The following GRAMD2B variants were observed in gnomAD, a reference collection of about 807,000 sequenced individuals.
GRAMD2B encodes GRAM domain-containing protein 2B.
In GRAMD2B, 41 loss-of-function variants were observed where a neutral mutation model predicts 59.2. The observed-to-expected ratio is 0.69, with a 90% CI of 0.54 to 0.90. The LOEUF is 0.90. Among genes scored for constraint, GRAMD2B ranks in the 40% least tolerant of loss-of-function variants. The probability of loss-of-function intolerance (pLI) is 0.00; values close to 1 mark genes in which losing one functional copy is unlikely to be tolerated. For missense variants in GRAMD2B, 424 were observed against 500.5 expected (o/e 0.85, Z 1.46); for synonymous variants, 161 against 182.7 (o/e 0.88, Z 0.96).
intron 1 of GRAMD2B, among the ~76,000 whole-genome samples, chr5:126,443,907 C>G (rs1414277285): frequency 2.0e-5 from 3 of 152,100 alleles, no homozygotes; most frequent in African/African-American, 7.2e-5. Context: ...CAAAAATTAG[C>G]TGGACGTGGT....
chr5:126,404,670 G>A (rs188619346), intron 1 of GRAMD2B, among the ~76,000 whole-genome samples: 22 of 151,818 alleles, frequency 1.4e-4, no homozygotes, highest in African/African-American at 4.8e-4. Context: ...GTCATTAACT[G>A]GGAAAACCAA....
At chr5:126,490,451 C>G (rs1448331712) in intron 13 of GRAMD2B, 2 of 152,278 alleles carry the variant, frequency 1.3e-5, no homozygotes, top group African/African-American at 4.8e-5. Flanking sequence ...AGGGTTCAGA[C>G]AGCTTAGCAG....
At chr5:126,481,240 AAAG>A (rs1377297115) in intron 8 of GRAMD2B, among the ~76,000 whole-genome samples, 1 of 131,280 alleles carries the variant, frequency 7.6e-6, no homozygotes, top group Non-Finnish European at 1.7e-5. Flanking sequence ...AGAAAGAAAG[AAAG>A]AAAGAAAAGA....
chr5:126,434,193 T>C (rs1762032437), intron 1 of GRAMD2B, among the ~76,000 whole-genome samples: 1 of 152,192 alleles, frequency 6.6e-6, no homozygotes, highest in African/African-American at 2.4e-5. Context: ...ATTATGAAAA[T>C]AGTAAAATTT....
chr5:126,417,582 T>C (rs1759367458), intron 1 of GRAMD2B, among the ~76,000 whole-genome samples: 1 of 152,242 alleles, frequency 6.6e-6, no homozygotes, highest in Admixed American at 6.5e-5. Context: ...ACCATTCAGC[T>C]GAGCCCAGTC....
At chr5:126,453,086 C>T (rs1255135251) in intron 1 of GRAMD2B, among the ~76,000 whole-genome samples, 3 of 152,006 alleles carry the variant, frequency 2.0e-5, no homozygotes, top group African/African-American at 4.8e-5. Flanking sequence ...CAAAAAGGAA[C>T]GAAGATATGA....
intron 1 of GRAMD2B, among the ~76,000 whole-genome samples, chr5:126,408,298 G>A (rs1758437519): frequency 6.6e-6 from 1 of 152,054 alleles, no homozygotes; most frequent in Non-Finnish European, 1.5e-5. Flanking sequence ...TTTTATGGCT[G>A]CATAGTATTC....
At chr5:126,381,141 G>A (rs762914821) in intron 1 of GRAMD2B, among the ~76,000 whole-genome samples, 1 of 152,130 alleles carries the variant, frequency 6.6e-6, no homozygotes, top group African/African-American at 2.4e-5. Flanking sequence ...TGCTTTTTCT[G>A]CATCTATGGA....
chr5:126,430,342 G>A (rs576332330), intron 1 of GRAMD2B, among the ~76,000 whole-genome samples: 1 of 152,276 alleles, frequency 6.6e-6, no homozygotes, highest in Non-Finnish European at 1.5e-5. Context: ...GTCCCAAGAT[G>A]CATAGTATTT....
intron 1 of GRAMD2B, among the ~76,000 whole-genome samples, chr5:126,411,177 A>G (rs963738192): frequency 6.6e-6 from 1 of 151,982 alleles, no homozygotes; most frequent in African/African-American, 2.4e-5. Context: ...ATTATTTCCC[A>G]AGGCCAATGT....
chr5:126,479,036 A>G (rs1052662748), intron 6 of GRAMD2B, among the ~76,000 whole-genome samples: 13 of 152,246 alleles, frequency 8.5e-5, no homozygotes, highest in Admixed American at 6.5e-5. Flanking sequence ...AGACATGCAC[A>G]ATCAGAAAAA....
At chr5:126,433,582 C>A (rs1272179289) in intron 1 of GRAMD2B, 2 of 152,222 alleles carry the variant, frequency 1.3e-5, no homozygotes, top group Non-Finnish European at 2.9e-5. Flanking sequence ...AGCACTTGTG[C>A]TTTCTCTGTA....
intron 1 of GRAMD2B, among the ~76,000 whole-genome samples, chr5:126,391,337 A>AAAAAAAAAAAAAAAAAAAAC: frequency 1.4e-5 from 2 of 140,388 alleles, no homozygotes; most frequent in Non-Finnish European, 3.1e-5. Flanking sequence ...AAAAAAAAAA[A>AAAAAAAAAAAAAAAAAAAAC]AAACTTGTAC....
intron 1 of GRAMD2B, among the ~76,000 whole-genome samples, chr5:126,373,619 C>CA (rs972102076): frequency 2.0e-5 from 3 of 151,758 alleles, no homozygotes; most frequent in South Asian, 2.1e-4. Flanking sequence ...TAAGACAGGC[C>CA]AAAAAAATGA....
intron 1 of GRAMD2B, among the ~76,000 whole-genome samples, chr5:126,415,755 A>C (rs1437136345): frequency 6.6e-6 from 1 of 152,194 alleles, no homozygotes; most frequent in Non-Finnish European, 1.5e-5. Context: ...AAAATGAATA[A>C]TGCTACATAG....
At chr5:126,452,446 A>G (rs142375247) in intron 1 of GRAMD2B, among the ~76,000 whole-genome samples, 1,637 of 152,252 alleles carry the variant, frequency 0.011, 39 homozygotes, top group African/African-American at 0.038. Flanking sequence ...TTTCCCTGAC[A>G]TTACTCTCTT....
At chr5:126,363,387 G>T (rs941386210) in intron 1 of GRAMD2B, among the ~76,000 whole-genome samples, 1 of 152,104 alleles carries the variant, frequency 6.6e-6, no homozygotes, top group African/African-American at 2.4e-5. Context: ...AAAATGTTAC[G>T]ACCATTTTGG....
intron 3 of GRAMD2B, among the ~76,000 whole-genome samples, chr5:126,471,162 G>T (rs1218066415): frequency 6.6e-6 from 1 of 152,090 alleles, no homozygotes; most frequent in Non-Finnish European, 1.5e-5. Context: ...ACCACTCTTG[G>T]TTTGGATAAT....
chr5:126,490,772 A>T (rs758856234), intron 13 of GRAMD2B, among the ~76,000 whole-genome samples: 3 of 151,998 alleles, frequency 2.0e-5, no homozygotes, highest in Non-Finnish European at 2.9e-5. Context: ...CCTTCTTCTC[A>T]CCTTCGGGGG....
Sources: gnomAD v4.1 joint callset for allele counts (sites outside exome capture counted in the v4.1 genomes callset) on GRCh38, gnomAD v4.1.1 for gene constraint, MANE v1.5 for transcripts, NCBI Gene and HGNC (gene_info 2026-07-23, HGNC 2026-07-21) for gene names.